The following RET variants were observed in gnomAD, a reference collection of about 807,000 sequenced individuals.
RET encodes ret proto-oncogene.
A neutral mutation model predicts 118.3 loss-of-function variants in RET; 19 were observed. The ratio of observed to expected loss-of-function variants is 0.16; its 90% CI spans 0.11 to 0.24. The LOEUF (loss-of-function observed/expected upper bound fraction) is 0.24, where lower values mean the gene tolerates loss of function less well. Ranked by LOEUF, RET falls within the 10% of genes least tolerant of loss-of-function variation. The pLI, the probability that RET is intolerant of heterozygous loss-of-function variation, is 1.00. For synonymous variants in RET, 597 were observed against 644.1 expected, an observed-to-expected ratio of 0.93 and a Z score of 1.11; for missense variants, 1,219 against 1,502.1, an observed-to-expected ratio of 0.81 and a Z score of 3.12.
chr10:43,084,959 C>G (rs1033566711), intron 1 of RET, among the ~76,000 whole-genome samples: 4 of 152,200 alleles, frequency 2.6e-5, no homozygotes, highest in African/African-American at 4.8e-5. Flanking sequence ...AACCCTGACT[C>G]TAAAAATAAC....
rs2133056022 is a variant in RET at position 43,129,084 on chromosome 10, G to A, written c.*815G>A. The A allele has an allele frequency of 4.3e-6, 1 of 233,634 alleles. No individual in the cohort carries two copies. Among genetic ancestry groups the A allele is most frequent in the African/African-American group, 2.2e-5 (1 of 45,412 alleles). The allele number at this position is 233,634 out of a possible 1,614,324, so 14.5% of individuals were successfully genotyped here. A position where few individuals can be genotyped will look rare whatever the true frequency, so the allele number is the denominator to read the frequency against. On this transcript the variant is annotated 3_prime_UTR_variant, in exon 20 of 20. Transcript: ENST00000355710. ...CCACTACCCCTGATGAGAACAGTATGAAGAAAGGGGGCTGTTGGAGTCCCA... is the reference window on the plus strand; with the variant it reads ...CCACTACCCCTGATGAGAACAGTATAAAGAAAGGGGGCTGTTGGAGTCCCA...
At position 43,106,603 on chromosome 10, in the gene RET, G is replaced by T. The variant is rs772728179; in HGVS notation, c.1063+32G>T. On this transcript the variant is annotated intron_variant, in intron 5 of 19. Coordinates refer to ENST00000355710, the MANE Select transcript of RET (RefSeq NM_020975.6). The surrounding 1 kb of genome is among the most constrained non-coding windows in gnomAD (Gnocchi z 5.1). Reference sequence around the variant, plus strand: ...GGGGCTGGTGGCACGGCCTGGCTAGGCCCCCAGGAAATGAGGTGCTCGCTC... The same window carrying T: ...GGGGCTGGTGGCACGGCCTGGCTAGTCCCCCAGGAAATGAGGTGCTCGCTC... 1.0e-5 allele frequency: 16 copies of T among 1,606,086 alleles called. No individual in the cohort carries two copies. The Admixed American group carries it at 2.7e-4, about 27-fold the overall frequency.
intron 11 of RET, among the ~76,000 whole-genome samples, chr10:43,116,089 T>G (rs1307715518): frequency 6.6e-6 from 1 of 151,974 alleles, no homozygotes; most frequent in Admixed American, 6.6e-5. Flanking sequence ...GGATAGAACT[T>G]TGGTGGGAGG....
chr10:43,111,746 G>A (rs1168472110), intron 7 of RET, among the ~76,000 whole-genome samples: 1 of 152,206 alleles, frequency 6.6e-6, no homozygotes, highest in Non-Finnish European at 1.5e-5. Context: ...ACACCTCTAG[G>A]TCCATCCATG....
rs148743099 is a variant in RET at position 43,103,886 on chromosome 10, G to A, written c.626-1066G>A. ...CTGGGAGGCTTGTGGAGTTGCCCCC[G>A]CCTCCTTGGGGTGGGTTGTGGGGTC... is the stretch of plus-strand genomic sequence containing the variant. On this transcript the variant is annotated intron_variant, in intron 3 of 19. Transcript: ENST00000355710. 7.9e-4 allele frequency among the ~76,000 whole-genome samples: 121 copies of A among 152,320 alleles called. No homozygotes were observed. In the East Asian group the frequency reaches 0.017, roughly 22 times the overall value.
At chr10:43,100,819 T>C in intron 2 of RET, 97 bp downstream of exon 2, 3 of 1,335,902 alleles carry the variant, frequency 2.2e-6, no homozygotes, top group Non-Finnish European at 2.1e-6. Flanking sequence ...TGGCATGGCT[T>C]CCCCCCCACC....
chr10:43,112,234 G>A lies in RET; in HGVS notation c.1648+10G>A, dbSNP rs762545740. The A allele has an allele frequency of 1.3e-6, 2 of 1,552,006 alleles. No homozygotes were observed. The highest frequency in any genetic ancestry group is 1.7e-6 in the Non-Finnish European group (2 of 1,147,194). The stretch of plus-strand genomic sequence containing the variant: ...CAAGGAGATGGCAAAGGTAAGCCCT[G>A]GAAACGCCCAAGGGAGGCCTGCAGG... On this transcript the variant is annotated intron_variant, in intron 8 of 19. Transcript: ENST00000355710.
At chr10:43,109,253 T>C in intron 6 of RET, 23 bp downstream of exon 6, 2 of 1,609,010 alleles carry the variant, frequency 1.2e-6, no homozygotes, top group South Asian at 2.2e-5. Flanking sequence ...CTATTGCCTG[T>C]CTGGGGAAGA....
chr10:43,085,516 G>A (rs907338788), intron 1 of RET, among the ~76,000 whole-genome samples: 20 of 152,120 alleles, frequency 1.3e-4, no homozygotes, highest in African/African-American at 4.6e-4. Flanking sequence ...TTTCCATCTC[G>A]GCCACCGTCT....
intron 16 of RET, 57 bp from the exon 17 acceptor site, chr10:43,123,614 C>T (rs751564341): frequency 1.9e-5 from 30 of 1,612,174 alleles, no homozygotes; most frequent in Admixed American, 3.3e-5. Context: ...CTGGGCCCCC[C>T]GGAGGGCTCT....
intron 17 of RET, among the ~76,000 whole-genome samples, chr10:43,124,627 G>A (rs1838290408): frequency 6.6e-6 from 1 of 152,248 alleles, no homozygotes; most frequent in African/African-American, 2.4e-5. Context: ...CCCTTGGAGG[G>A]AAGGGAAGCT....
intron 3 of RET, 39 bp downstream of exon 3, chr10:43,102,668 C>T (rs1837669305): frequency 6.2e-7 from 1 of 1,611,854 alleles, no homozygotes. Context: ...ACAGTGCCTG[C>T]TACTGCTGGT....
chr10:43,124,832 T>G, intron 17 of RET, 51 bp from the exon 18 acceptor site: 7 of 1,584,522 alleles, frequency 4.4e-6, no homozygotes, highest in Middle Eastern at 2.1e-4. Flanking sequence ...GCTGTCCTTC[T>G]GAGACCTGGC....
At chr10:43,078,600 C>T (rs534257192) in intron 1 of RET, among the ~76,000 whole-genome samples, 5 of 152,334 alleles carry the variant, frequency 3.3e-5, no homozygotes, top group South Asian at 2.1e-4. Context: ...GCAAACAAGG[C>T]GCTCTGACGC....
intron 12 of RET, 136 bp from the exon 13 acceptor site, chr10:43,118,237 C>A (rs1278269447): frequency 1.8e-5 from 13 of 736,612 alleles, no homozygotes; most frequent in Non-Finnish European, 2.9e-5. Flanking sequence ...CTGGGAGAAG[C>A]CTCAAGCAGC....
At chr10:43,078,078 G>T (rs1262948653) in intron 1 of RET, among the ~76,000 whole-genome samples, 2 of 152,196 alleles carry the variant, frequency 1.3e-5, no homozygotes, top group Admixed American at 1.3e-4. Context: ...GTTGGTGCTG[G>T]GCCTGGTGAA....
chr10:43,119,097 G>A (rs1370755506), intron 13 of RET, among the ~76,000 whole-genome samples: 1 of 152,154 alleles, frequency 6.6e-6, no homozygotes, highest in Non-Finnish European at 1.5e-5. Flanking sequence ...GCCTGGGACA[G>A]GACAGGTGGG....
chr10:43,120,234 C>T (rs1480555724), intron 15 of RET, 31 bp downstream of exon 15: 1 of 1,610,068 alleles, frequency 6.2e-7, no homozygotes, highest in Non-Finnish European at 8.5e-7. Flanking sequence ...GGCGGGGCTC[C>T]CAGGGATCCC....
chr10:43,111,092 C>G (rs1213715401), intron 6 of RET, 115 bp from the exon 7 acceptor site: 10 of 1,490,158 alleles, frequency 6.7e-6, no homozygotes, highest in Admixed American at 1.7e-5. Flanking sequence ...GGGCTGCTGT[C>G]TCCAGGCCCA....
Sources: gnomAD v4.1 joint callset for allele counts (sites outside exome capture counted in the v4.1 genomes callset) on GRCh38, gnomAD v4.1.1 for gene constraint, Gnocchi (gnomAD v3.1) non-coding constraint, MANE v1.5 for transcripts, NCBI Gene and HGNC (gene_info 2026-07-23, HGNC 2026-07-21) for gene names.